The following CHLSN variants were observed in gnomAD, a reference collection of about 807,000 sequenced individuals.
CHLSN encodes cholesin.
the CHLSN span, among the ~76,000 whole-genome samples, chr7:1,034,537 G>A: frequency 6.6e-6 from 1 of 152,330 alleles, no homozygotes; most frequent in African/African-American, 2.4e-5. Context: ...CTGTGGTGCA[G>A]CACGGGCAGT....
chr7:1,068,766 G>A, the CHLSN span, among the ~76,000 whole-genome samples: 3 of 152,126 alleles, frequency 2.0e-5, no homozygotes, highest in South Asian at 2.1e-4. Context: ...AGCTACTTAG[G>A]TCATAAGTCA....
At chr7:1,077,593 G>C in the CHLSN span, among the ~76,000 whole-genome samples, 8 of 152,262 alleles carry the variant, frequency 5.3e-5, no homozygotes, top group East Asian at 1.2e-3. Context: ...CAGGTGCCCC[G>C]TGCACAGGCA....
chr7:1,081,319 C>A, the CHLSN span, among the ~76,000 whole-genome samples: 1 of 152,218 alleles, frequency 6.6e-6, no homozygotes, highest in Non-Finnish European at 1.5e-5. Flanking sequence ...CTGTGAGGAC[C>A]CCCTCTCCTA....
At chr7:1,114,338 T>C in the CHLSN span, among the ~76,000 whole-genome samples, 2 of 152,128 alleles carry the variant, frequency 1.3e-5, no homozygotes, top group Non-Finnish European at 2.9e-5. Flanking sequence ...AGCTGGGGAG[T>C]GACCTCAGAC....
the CHLSN span, chr7:1,076,234 G>T: frequency 6.4e-6 from 1 of 155,470 alleles, no homozygotes; most frequent in Non-Finnish European, 1.4e-5. Flanking sequence ...GTGCAGTGTG[G>T]TACATGCCAG....
chr7:1,040,910 C>T, the CHLSN span, among the ~76,000 whole-genome samples: 3 of 152,238 alleles, frequency 2.0e-5, no homozygotes, highest in Non-Finnish European at 4.4e-5. Flanking sequence ...GCAGACGTGC[C>T]GGCTGCAGCC....
At chr7:1,132,787 T>C in the CHLSN span, among the ~76,000 whole-genome samples, 1 of 148,526 alleles carries the variant, frequency 6.7e-6, no homozygotes, top group South Asian at 2.1e-4. Flanking sequence ...AACTAGAATA[T>C]ATAAAGACCT....
chr7:1,094,579 C>T, the CHLSN span, among the ~76,000 whole-genome samples: 7 of 152,210 alleles, frequency 4.6e-5, no homozygotes, highest in South Asian at 1.2e-3. Flanking sequence ...GTCCAGGAAA[C>T]TCTCTCCTCC....
At chr7:1,104,128 T>C in the CHLSN span, among the ~76,000 whole-genome samples, 1 of 152,206 alleles carries the variant, frequency 6.6e-6, no homozygotes, top group African/African-American at 2.4e-5. Flanking sequence ...AGTACCTGGG[T>C]TGAGGTGGCA....
At chr7:1,093,002 C>T in the CHLSN span, 9 of 770,338 alleles carry the variant, frequency 1.2e-5, no homozygotes, top group Non-Finnish European at 2.1e-5. Context: ...GTCACGCTTG[C>T]CTGGTCACCC....
chr7:1,054,129 G>GAGCAGCCCGCCCCAGC, the CHLSN span, among the ~76,000 whole-genome samples: 4 of 152,222 alleles, frequency 2.6e-5, no homozygotes, highest in African/African-American at 4.8e-5. Flanking sequence ...AGAGCCCACG[G>GAGCAGCCCGCCCCAGC]AGCAGCCCGC....
chr7:1,136,000 T>C, the CHLSN span, among the ~76,000 whole-genome samples: 1 of 123,336 alleles, frequency 8.1e-6, no homozygotes, highest in African/African-American at 3.3e-5. Flanking sequence ...TATATAAATA[T>C]ATATATAAAA....
chr7:1,045,233 T>C, the CHLSN span: 1 of 152,200 alleles, frequency 6.6e-6, no homozygotes, highest in Admixed American at 6.5e-5. Flanking sequence ...TTCTCTAAAT[T>C]AGGCATAAGT....
chr7:998,971 G>A, the CHLSN span, among the ~76,000 whole-genome samples: 1 of 152,062 alleles, frequency 6.6e-6, no homozygotes, highest in Non-Finnish European at 1.5e-5. Flanking sequence ...ATTAAGTATC[G>A]GCATGTTCGT....
At chr7:985,431 C>T in the CHLSN span, 4 of 1,261,132 alleles carry the variant, frequency 3.2e-6, no homozygotes, top group Non-Finnish European at 4.3e-6. Context: ...CTCGGCCCTC[C>T]CACCTTGCAA....
At chr7:1,099,215 G>T in the CHLSN span, among the ~76,000 whole-genome samples, 1 of 150,034 alleles carries the variant, frequency 6.7e-6, no homozygotes, top group African/African-American at 2.4e-5. Flanking sequence ...TCCTGCAGCC[G>T]GCCTCCCCTT....
the CHLSN span, among the ~76,000 whole-genome samples, chr7:1,035,779 GC>G: frequency 2.6e-5 from 4 of 152,306 alleles, no homozygotes; most frequent in East Asian, 7.7e-4. Context: ...CAGCAAATGT[GC>G]CCCTTGGTAT....
chr7:1,102,710 T>C, the CHLSN span, among the ~76,000 whole-genome samples: 1 of 152,228 alleles, frequency 6.6e-6, no homozygotes, highest in Non-Finnish European at 1.5e-5. Context: ...CCTGCGCCCC[T>C]TTCCGTGAGG....
At chr7:1,000,433 G>T in the CHLSN span, 1 of 1,075,740 alleles carries the variant, frequency 9.3e-7, no homozygotes, top group Non-Finnish European at 1.3e-6. Flanking sequence ...ACAGACCTCA[G>T]CCCCCAGGAG....
Sources: gnomAD v4.1 joint callset for allele counts (sites outside exome capture counted in the v4.1 genomes callset) on GRCh38, gnomAD v4.1.1 for gene constraint, MANE v1.5 for transcripts, NCBI Gene and HGNC (gene_info 2026-07-23, HGNC 2026-07-21) for gene names.